ST18: variants seen among roughly 807,000 people sequenced by gnomAD.
ST18 encodes ST18 C2H2C-type zinc finger transcription factor.
ST18 carries 50 observed loss-of-function variants against 110.0 expected under a neutral mutation model. The ratio of observed to expected loss-of-function variants is 0.45; its 90% CI spans 0.36 to 0.58. The LOEUF is 0.58. ST18 is among the 20% of genes least tolerant of loss of function. ST18 has a pLI of 0.00. For missense variants in ST18, 1,306 were observed against 1,280.1 expected (o/e 1.02, Z -0.31); for synonymous variants, 461 against 452.4 (o/e 1.02, Z -0.24).
chr8:52,187,032 A>G (rs1391335448), intron 8 of ST18, among the ~76,000 whole-genome samples: 5 of 152,170 alleles, frequency 3.3e-5, no homozygotes, highest in Non-Finnish European at 4.4e-5. Context: ...TTATACTTCA[A>G]TAAGTTTACT....
intron 8 of ST18, among the ~76,000 whole-genome samples, chr8:52,205,267 T>C (rs555873804): frequency 6.6e-6 from 1 of 151,768 alleles, no homozygotes; most frequent in Admixed American, 6.6e-5. Flanking sequence ...TAGGCTACTA[T>C]GAAGGAAGAG....
chr8:52,296,026 C>T (rs1287504641), intron 2 of ST18, among the ~76,000 whole-genome samples: 2 of 152,014 alleles, frequency 1.3e-5, no homozygotes, highest in Non-Finnish European at 2.9e-5. Context: ...ACATAATTTC[C>T]CCAACTTAAC....
At chr8:52,210,086 T>C (rs920520673) in intron 8 of ST18, 66 of 456,050 alleles carry the variant, frequency 1.4e-4, no homozygotes, top group African/African-American at 1.3e-3. Flanking sequence ...CCTCACCAGG[T>C]AAGTGGCCTC....
intron 2 of ST18, among the ~76,000 whole-genome samples, chr8:52,355,586 C>G (rs968734578): frequency 6.6e-6 from 1 of 152,198 alleles, no homozygotes; most frequent in Non-Finnish European, 1.5e-5. Flanking sequence ...CTGTCAGAAT[C>G]AACTTCTACA....
chr8:52,238,735 T>C (rs915251693), intron 2 of ST18, among the ~76,000 whole-genome samples: 3 of 151,694 alleles, frequency 2.0e-5, no homozygotes, highest in Non-Finnish European at 2.9e-5. Flanking sequence ...CTAGATGCCA[T>C]TATCTTAAGG....
At chr8:52,232,039 A>C (rs2091543776) in intron 2 of ST18, among the ~76,000 whole-genome samples, 1 of 152,218 alleles carries the variant, frequency 6.6e-6, no homozygotes, top group African/African-American at 2.4e-5. Flanking sequence ...ATACTTGGAA[A>C]ACTACTGCTT....
chr8:52,207,882 T>C (rs1237735816), intron 8 of ST18, among the ~76,000 whole-genome samples: 1 of 152,162 alleles, frequency 6.6e-6, no homozygotes, highest in Non-Finnish European at 1.5e-5. Flanking sequence ...CCAATATTAG[T>C]AGATGCAATA....
intron 8 of ST18, among the ~76,000 whole-genome samples, chr8:52,181,632 G>A (rs2069618797): frequency 6.6e-6 from 1 of 152,130 alleles, no homozygotes; most frequent in African/African-American, 2.4e-5. Flanking sequence ...CTTCTCTGAT[G>A]AACCTAAATG....
intron 2 of ST18, among the ~76,000 whole-genome samples, chr8:52,395,183 C>T (rs1840683447): frequency 6.6e-6 from 1 of 152,228 alleles, no homozygotes; most frequent in African/African-American, 2.4e-5. Flanking sequence ...TACAATGGCA[C>T]TTCACTGAGC....
At chr8:52,223,993 C>T (rs1263640793) in intron 3 of ST18, among the ~76,000 whole-genome samples, 1 of 152,076 alleles carries the variant, frequency 6.6e-6, no homozygotes, top group African/African-American at 2.4e-5. Flanking sequence ...CTTAGTATTG[C>T]TATCCCTTGA....
intron 2 of ST18, among the ~76,000 whole-genome samples, chr8:52,325,962 A>G (rs142368965): frequency 4.6e-5 from 7 of 152,314 alleles, no homozygotes; most frequent in African/African-American, 1.7e-4. Flanking sequence ...ATCAGCTGTA[A>G]GCTGCTTCTG....
At chr8:52,212,169 T>C (rs1016939936) in intron 7 of ST18, 60 bp from the exon 8 acceptor site, 56 of 1,526,604 alleles carry the variant, frequency 3.7e-5, no homozygotes, top group Admixed American at 8.3e-5. Flanking sequence ...CAAAACTGTA[T>C]AATGGAAACT....
intron 2 of ST18, among the ~76,000 whole-genome samples, chr8:52,380,516 T>C (rs1392996809): frequency 3.3e-5 from 5 of 152,120 alleles, no homozygotes; most frequent in African/African-American, 9.7e-5. Context: ...CACTGCACAA[T>C]GTTGCATTGA....
At chr8:52,190,714 T>C (rs1417339133) in intron 8 of ST18, among the ~76,000 whole-genome samples, 1 of 152,178 alleles carries the variant, frequency 6.6e-6, no homozygotes, top group African/African-American at 2.4e-5. Context: ...AGGATATAGT[T>C]TGAAGGGACC....
intron 2 of ST18, among the ~76,000 whole-genome samples, chr8:52,336,342 G>A (rs1478465931): frequency 6.6e-6 from 1 of 151,978 alleles, no homozygotes; most frequent in South Asian, 2.1e-4. Context: ...GTAGAGATGG[G>A]GTTTCACTAT....
At chr8:52,365,425 TGAG>T (rs942668559) in intron 2 of ST18, among the ~76,000 whole-genome samples, 1 of 151,776 alleles carries the variant, frequency 6.6e-6, no homozygotes, top group Non-Finnish European at 1.5e-5. Flanking sequence ...AGCATAAAAA[TGAG>T]GAGTTGAGTT....
chr8:52,338,133 A>C (rs1813022095), intron 2 of ST18, among the ~76,000 whole-genome samples: 2 of 151,998 alleles, frequency 1.3e-5, no homozygotes, highest in Admixed American at 6.6e-5. Flanking sequence ...TTCTCGGCTC[A>C]CTGCAACCTC....
At chr8:52,137,707 T>C (rs1486879310) in intron 17 of ST18, 6 of 477,556 alleles carry the variant, frequency 1.3e-5, no homozygotes, top group Non-Finnish European at 2.2e-5. Flanking sequence ...CTTAGGTACC[T>C]GTTTCAACAT....
At chr8:52,156,349 A>T (rs976540140) in intron 15 of ST18, among the ~76,000 whole-genome samples, 1 of 152,256 alleles carries the variant, frequency 6.6e-6, no homozygotes, top group African/African-American at 2.4e-5. Context: ...GAGAAGCTGT[A>T]CATTTCAAGA....
Sources: gnomAD v4.1 joint callset for allele counts (sites outside exome capture counted in the v4.1 genomes callset) on GRCh38, gnomAD v4.1.1 for gene constraint, MANE v1.5 for transcripts, NCBI Gene and HGNC (gene_info 2026-07-23, HGNC 2026-07-21) for gene names.